Variants in B3GALT1 observed in about 807,000 individuals in gnomAD.
The protein encoded by B3GALT1 is beta-1,3-galactosyltransferase 1.
In B3GALT1, 10 loss-of-function variants were observed where a neutral mutation model predicts 23.2. The observed-to-expected ratio is 0.43, with a 90% confidence interval of 0.27 to 0.73. The LOEUF (loss-of-function observed/expected upper bound fraction) is 0.73, where lower values mean the gene tolerates loss of function less well. Ranked by LOEUF, B3GALT1 falls within the 30% of genes least tolerant of loss-of-function variation. The probability of loss-of-function intolerance (pLI) is 0.21; values close to 1 mark genes in which losing one functional copy is unlikely to be tolerated. For synonymous variants in B3GALT1, 156 were observed against 141.5 expected, an observed-to-expected ratio of 1.10 and a Z score of -0.73; for missense variants, 299 against 405.4, an observed-to-expected ratio of 0.74 and a Z score of 2.25.
intron 2 of B3GALT1, among the ~76,000 whole-genome samples, chr2:167,496,470 A>G (rs1699784942): frequency 6.6e-6 from 1 of 152,148 alleles, no homozygotes; most frequent in African/African-American, 2.4e-5. Flanking sequence ...GTGAGAAGAA[A>G]CTTAGACTAG....
At chr2:167,838,507 A>C (rs1689546410) in intron 4 of B3GALT1, among the ~76,000 whole-genome samples, 1 of 152,290 alleles carries the variant, frequency 6.6e-6, no homozygotes, top group Admixed American at 6.5e-5. Flanking sequence ...TAGACTAATA[A>C]CAGGAGCTGC....
chr2:167,662,268 C>T (rs560711417), intron 3 of B3GALT1, among the ~76,000 whole-genome samples: 1 of 152,106 alleles, frequency 6.6e-6, no homozygotes, highest in African/African-American at 2.4e-5. Flanking sequence ...ATATAAATAG[C>T]CTGTTCTTTA....
At chr2:167,507,176 G>A (rs1699931806) in intron 2 of B3GALT1, among the ~76,000 whole-genome samples, 1 of 152,070 alleles carries the variant, frequency 6.6e-6, no homozygotes, top group South Asian at 2.1e-4. Flanking sequence ...TGGAATAGAG[G>A]AGAAATTCCA....
chr2:167,356,044 G>GA (rs775387420), intron 1 of B3GALT1, among the ~76,000 whole-genome samples: 2 of 152,244 alleles, frequency 1.3e-5, no homozygotes, highest in East Asian at 3.9e-4. Context: ...GTTCTTCAAG[G>GA]AAAATGAGAA....
intron 1 of B3GALT1, among the ~76,000 whole-genome samples, chr2:167,373,292 A>G (rs1192804638): frequency 6.6e-6 from 1 of 152,148 alleles, no homozygotes; most frequent in African/African-American, 2.4e-5. Context: ...ATATAAATAT[A>G]TTTACAACTT....
intron 3 of B3GALT1, among the ~76,000 whole-genome samples, chr2:167,689,741 C>T (rs953186475): frequency 1.3e-5 from 2 of 151,994 alleles, no homozygotes; most frequent in Admixed American, 6.6e-5. Flanking sequence ...GGGACCCAGA[C>T]CAGGATGTCT....
intron 3 of B3GALT1, among the ~76,000 whole-genome samples, chr2:167,777,800 C>T (rs77878740): frequency 0.16 from 24,080 of 152,142 alleles, 2,192 homozygotes; most frequent in Non-Finnish European, 0.21. Context: ...CATTTCATAG[C>T]ACTGAGTAGA....
intron 2 of B3GALT1, among the ~76,000 whole-genome samples, chr2:167,616,002 T>C (rs1685154561): frequency 6.6e-6 from 1 of 152,108 alleles, no homozygotes. Flanking sequence ...ACTCAACATT[T>C]ATGAGTTATT....
intron 1 of B3GALT1, among the ~76,000 whole-genome samples, chr2:167,334,311 G>A (rs1559068360): frequency 6.6e-6 from 1 of 152,176 alleles, no homozygotes; most frequent in Admixed American, 6.5e-5. Flanking sequence ...AATCTTCTAA[G>A]AGGAATAAGT....
At chr2:167,684,207 A>G (rs1686580418) in intron 3 of B3GALT1, among the ~76,000 whole-genome samples, 1 of 152,222 alleles carries the variant, frequency 6.6e-6, no homozygotes, top group Non-Finnish European at 1.5e-5. Flanking sequence ...TCTAGAAAAG[A>G]GCCTCCAATA....
intron 3 of B3GALT1, among the ~76,000 whole-genome samples, chr2:167,653,432 G>A (rs77071130): frequency 1.3e-5 from 2 of 152,216 alleles, no homozygotes; most frequent in East Asian, 3.9e-4. Context: ...TGATCTCACT[G>A]TTAATTATTT....
chr2:167,389,924 AC>A (rs879564247), intron 1 of B3GALT1, among the ~76,000 whole-genome samples: 39 of 100,296 alleles, frequency 3.9e-4, no homozygotes, highest in African/African-American at 5.8e-4. Context: ...AAAAAAAAAA[AC>A]AAAAAAAAAA....
At chr2:167,360,784 T>G (rs1466577101) in intron 1 of B3GALT1, among the ~76,000 whole-genome samples, 1 of 152,208 alleles carries the variant, frequency 6.6e-6, no homozygotes, top group Non-Finnish European at 1.5e-5. Context: ...ATTTCCTTAC[T>G]GTACTATCAA....
At chr2:167,295,035 C>T (rs1442976835) in intron 1 of B3GALT1, among the ~76,000 whole-genome samples, 3 of 152,146 alleles carry the variant, frequency 2.0e-5, no homozygotes, top group African/African-American at 7.2e-5. Context: ...AGTTATTTTT[C>T]ATTGTAAAGA....
rs71031283 is a variant in B3GALT1, at chr2:167,351,955, AT to A, written c.-511+58644del. 4.4e-3 allele frequency among the ~76,000 whole-genome samples: 585 copies of A among 134,250 alleles called. 2 individuals carry two copies. The highest frequency in any genetic ancestry group is 0.015 in the East Asian group (70 of 4,576). 88.1% of individuals were successfully genotyped at this position (134,250 alleles called of 152,430 possible). A position where few individuals can be genotyped will look rare whatever the true frequency, so the allele number is the denominator to read the frequency against. ...CTGTGAAAGGAGAAGGCTGTTTTTG[AT>A]TTTTTTTTTTTTTTTTTTTTTTGAG... is the stretch of plus-strand genomic sequence containing the variant. On this transcript the variant is annotated intron_variant, in intron 1 of 4. Transcript: ENST00000392690.
At position 167,495,326 on chromosome 2, in the gene B3GALT1, CTTT is replaced by C. The variant is rs954749958; in HGVS notation, c.-410+5071_-410+5073del. Reference sequence around the variant, plus strand: ...TTGCTTTTTTCGCCAGCTTGCTTGCCTTTTTTTTTTTTTTTTTTTTTTTTGTGA... The same window carrying C: ...TTGCTTTTTTCGCCAGCTTGCTTGCCTTTTTTTTTTTTTTTTTTTTTGTGA... On this transcript the variant is annotated intron_variant, in intron 2 of 4. Coordinates refer to ENST00000392690, the MANE Select transcript of B3GALT1 (RefSeq NM_020981.4). 1.2e-4 allele frequency among the ~76,000 whole-genome samples: 7 copies of C among 57,880 alleles called. No individual in the cohort carries two copies. In the South Asian group the frequency reaches 1.8e-3, roughly 15 times the overall value. The allele number at this position is 57,880 out of a possible 152,430, so 38.0% of individuals were successfully genotyped here.
chr2:167,739,722 T>C (rs1007965794), intron 3 of B3GALT1, among the ~76,000 whole-genome samples: 1 of 152,130 alleles, frequency 6.6e-6, no homozygotes, highest in African/African-American at 2.4e-5. Flanking sequence ...AGAAGTTCAA[T>C]AAATATTTGT....
At chr2:167,410,231 C>A (rs370242661) in intron 1 of B3GALT1, among the ~76,000 whole-genome samples, 1 of 151,928 alleles carries the variant, frequency 6.6e-6, no homozygotes, top group Non-Finnish European at 1.5e-5. Context: ...TGGCCGGGTG[C>A]GGTGGCTCAC....
intron 3 of B3GALT1, among the ~76,000 whole-genome samples, chr2:167,790,666 A>G (rs1688422893): frequency 6.6e-6 from 1 of 152,138 alleles, no homozygotes; most frequent in Non-Finnish European, 1.5e-5. Context: ...TCTTGTGTAA[A>G]TCCTGGTTAG....
Sources: gnomAD v4.1 joint callset for allele counts (sites outside exome capture counted in the v4.1 genomes callset) on GRCh38, gnomAD v4.1.1 for gene constraint, MANE v1.5 for transcripts, NCBI Gene and HGNC (gene_info 2026-07-23, HGNC 2026-07-21) for gene names.